LMAN1: variants seen among roughly 807,000 people sequenced by gnomAD.
LMAN1 encodes the protein protein ERGIC-53.
A neutral mutation model predicts 67.8 loss-of-function variants in LMAN1; 32 were observed. The ratio of observed to expected loss-of-function variants is 0.47; its 90% CI spans 0.36 to 0.63. The LOEUF (loss-of-function observed/expected upper bound fraction) is 0.63. Among genes scored for constraint, LMAN1 ranks in the 30% least tolerant of loss-of-function variants. The pLI, the probability that LMAN1 is intolerant of heterozygous loss-of-function variation, is 0.00. For missense variants in LMAN1, 632 were observed against 628.2 expected, an observed-to-expected ratio of 1.01 and a Z score of -0.06; for synonymous variants, 235 against 219.3, an observed-to-expected ratio of 1.07 and a Z score of -0.63.
chr18:59,348,978 G>T, intron 6 of LMAN1, 135 bp downstream of exon 6: 2 of 1,023,560 alleles, frequency 2.0e-6, no homozygotes, highest in Non-Finnish European at 1.5e-6. Context: ...CAAAAGACTG[G>T]CACAAGAGGT....
intron 12 of LMAN1, 77 bp downstream of exon 12, chr18:59,331,336 ATGAAC>A: frequency 7.2e-7 from 1 of 1,385,712 alleles, no homozygotes; most frequent in South Asian, 1.2e-5. Flanking sequence ...AAATTGTATT[ATGAAC>A]ATAGATAACT....
In LMAN1 at chr18:59,327,927, T is replaced by C. The variant is rs1459025534; in HGVS notation, c.*3166A>G. The C allele has an allele frequency of 1.3e-5, 2 of 152,282 alleles. No homozygotes were observed. The highest frequency in any genetic ancestry group is 2.4e-5 in the African/African-American group (1 of 41,568). The allele number at this position is 152,282 out of a possible 1,614,324, so 9.4% of individuals were successfully genotyped here. A position where few individuals can be genotyped will look rare whatever the true frequency, so the allele number is the denominator to read the frequency against. On this transcript the variant is annotated 3_prime_UTR_variant, in exon 13 of 13. Coordinates refer to ENST00000251047, the MANE Select transcript of LMAN1 (RefSeq NM_005570.4). ...AAAAACTTGACAAAATGTTATCCAA[T>C]TGAAATTGACAGTGGATAGAAAACC...
chr18:59,353,604 C>A (rs1210296590), intron 4 of LMAN1, among the ~76,000 whole-genome samples: 1 of 152,126 alleles, frequency 6.6e-6, no homozygotes, highest in Non-Finnish European at 1.5e-5. Flanking sequence ...TGATGAACTA[C>A]CAGGGCTGAA....
chr18:59,349,628 G>C (rs1023682449), intron 5 of LMAN1, among the ~76,000 whole-genome samples: 2 of 152,102 alleles, frequency 1.3e-5, no homozygotes, highest in Non-Finnish European at 1.5e-5. Context: ...ATCTGCAGCT[G>C]GTTGAGAATT....
chr18:59,345,817 T>C, intron 8 of LMAN1, 102 bp downstream of exon 8: 1 of 1,352,900 alleles, frequency 7.4e-7, no homozygotes, highest in Non-Finnish European at 1.0e-6. Flanking sequence ...ATGTGCCTGT[T>C]CAGAGAGCAG....
intron 1 of LMAN1, among the ~76,000 whole-genome samples, chr18:59,357,461 T>C (rs903774373): frequency 2.0e-5 from 3 of 152,160 alleles, no homozygotes; most frequent in African/African-American, 7.2e-5. Context: ...GAATAATTCA[T>C]CATCCCACAA....
chr18:59,350,046 G>A (rs1017157928), intron 5 of LMAN1, among the ~76,000 whole-genome samples: 1 of 152,134 alleles, frequency 6.6e-6, no homozygotes, highest in Non-Finnish European at 1.5e-5. Context: ...TACTTCTAGA[G>A]TCAAAATTTT....
chr18:59,345,992 C>T lies in LMAN1; in HGVS notation c.882G>A (p.Glu294=), dbSNP rs760646411. Residue 294 remains glutamate, a synonymous_variant, in exon 8 of 13, where the codon GAG becomes GAA. Transcript: ENST00000251047. ...KEKEKYQEEF[E]HFQQELDKKK... is the part of the protein sequence containing the mutation. ...TTTTATCCAATTCTTGTTGAAAGTG[C>T]TCAAATTCCTCCTGATACTTTTCTT... 1.9e-6 allele frequency: 3 copies of T among 1,613,614 alleles called. No individual in the cohort carries two copies. The highest frequency in any genetic ancestry group is 2.5e-6 in the Non-Finnish European group (3 of 1,179,728).
In LMAN1 at chr18:59,355,317, C is replaced by A. The variant is rs1394609182; in HGVS notation, c.473G>T (p.Gly158Val). 8 of 1,606,008 alleles carry A rather than the reference C, an allele frequency of 5.0e-6. No homozygotes were observed. The Admixed American group carries it at 5.0e-5, about 10-fold the overall frequency. Residue 158 changes from glycine (G) to valine (V), a missense_variant, in exon 3 of 13, where the codon GGA becomes GTA. Coordinates refer to ENST00000251047, the MANE Select transcript of LMAN1 (RefSeq NM_005570.4). ...CAGTCCTGACAATAAATATACCTTT[C>A]CATCATTGTCAAAAGAATCAAAAAA... Reference protein sequence around the residue: ...GIFFDSFDNDGKKNNPAIVII... With the variant: ...GIFFDSFDNDVKKNNPAIVII...
intron 1 of LMAN1, among the ~76,000 whole-genome samples, chr18:59,358,651 G>A (rs1427045710): frequency 6.6e-6 from 1 of 152,062 alleles, no homozygotes; most frequent in African/African-American, 2.4e-5. Flanking sequence ...GGATGGCTGG[G>A]GGTAGGGCAC....
At chr18:59,331,608 A>C (rs1162318292) in intron 11 of LMAN1, 69 bp from the exon 12 acceptor site, 19 of 1,529,184 alleles carry the variant, frequency 1.2e-5, no homozygotes, top group Non-Finnish European at 1.6e-5. Context: ...TAAATGTGAA[A>C]TCTTTATAAA....
chr18:59,347,320 CAAAAAAAAAAAA>C (rs58932497), intron 7 of LMAN1, among the ~76,000 whole-genome samples, 181 bp downstream of exon 7: 5 of 70,346 alleles, frequency 7.1e-5, no homozygotes, highest in African/African-American at 2.3e-4. Flanking sequence ...GACTCCGTCT[CAAAAAAAAAAAA>C]AAAAAAAAAA....
intron 10 of LMAN1, among the ~76,000 whole-genome samples, chr18:59,336,141 T>A (rs1038789010): frequency 6.6e-6 from 1 of 152,190 alleles, no homozygotes; most frequent in Non-Finnish European, 1.5e-5. Context: ...ATGCATGGGT[T>A]GGTATACATA....
At chr18:59,342,646 A>T (rs1908313264) in intron 8 of LMAN1, among the ~76,000 whole-genome samples, 1 of 151,056 alleles carries the variant, frequency 6.6e-6, no homozygotes. Flanking sequence ...CTCAATGAAC[A>T]CACCTCAACA....
intron 1 of LMAN1, among the ~76,000 whole-genome samples, chr18:59,357,716 T>C (rs534142543): frequency 2.0e-5 from 3 of 152,276 alleles, no homozygotes; most frequent in African/African-American, 7.2e-5. Context: ...TAGCGCTTCC[T>C]AAAAGGGTGC....
chr18:59,337,157 TATA>T (rs1481451107), intron 10 of LMAN1, among the ~76,000 whole-genome samples: 2 of 148,418 alleles, frequency 1.3e-5, no homozygotes, highest in African/African-American at 4.9e-5. Flanking sequence ...ACCAATCTTA[TATA>T]ATAATATATA....
intron 1 of LMAN1, 108 bp from the exon 2 acceptor site, chr18:59,355,766 T>C (rs1908648228): frequency 8.0e-7 from 1 of 1,251,262 alleles, no homozygotes; most frequent in African/African-American, 1.5e-5. Flanking sequence ...ACCTGTACAA[T>C]AATGATTTGG....
intron 7 of LMAN1, among the ~76,000 whole-genome samples, 164 bp downstream of exon 7, chr18:59,347,320 CAAAAAAAAAAAAAAAAAAAAAAAAAAAAA>C (rs58932497): frequency 7.1e-5 from 5 of 70,348 alleles, no homozygotes; most frequent in South Asian, 1.2e-3. Context: ...GACTCCGTCT[CAAAAAAAAAAAAAAAAAAAAAAAAAAAAA>C]AAAAAAAAAA....
At chr18:59,355,166 T>C (rs1603396165) in intron 3 of LMAN1, 147 bp downstream of exon 3, 3 of 708,614 alleles carry the variant, frequency 4.2e-6, no homozygotes, top group Admixed American at 4.3e-5. Context: ...CCTAGCTATA[T>C]AAAGACTAAT....
Sources: gnomAD v4.1 joint callset for allele counts (sites outside exome capture counted in the v4.1 genomes callset) on GRCh38, gnomAD v4.1.1 for gene constraint, MANE v1.5 for transcripts, NCBI Gene and HGNC (gene_info 2026-07-23, HGNC 2026-07-21) for gene names.